FDFT1: variants seen among roughly 807,000 people sequenced by gnomAD.
FDFT1 encodes the protein squalene synthase.
A neutral mutation model predicts 46.8 loss-of-function variants in FDFT1; 68 were observed. That is an observed-to-expected ratio of 1.45 (90% confidence interval 1.19 to 1.78). FDFT1 has a LOEUF of 1.78. FDFT1 is among the 40% of genes most tolerant of loss of function. The pLI is 0.00. For missense variants in FDFT1, 928 were observed against 524.4 expected (o/e 1.77, Z -7.52); for synonymous variants, 351 against 185.1 (o/e 1.90, Z -7.28).
chr8:11,803,217 C>G, intron 1 of FDFT1: 1 of 1,406,710 alleles, frequency 7.1e-7, no homozygotes, highest in Non-Finnish European at 9.4e-7. Flanking sequence ...TGAGCATCGG[C>G]GCTTACCGGT....
At chr8:11,835,409 C>T (rs1385538623) in intron 7 of FDFT1, among the ~76,000 whole-genome samples, 1 of 152,140 alleles carries the variant, frequency 6.6e-6, no homozygotes, top group African/African-American at 2.4e-5. Flanking sequence ...GTTGTGCTGT[C>T]ATGCTTATAT....
At chr8:11,801,710 TGGAGA>T, upstream of FDFT1, 1 of 251,304 alleles carries the variant, frequency 4.0e-6, no homozygotes, top group Non-Finnish European at 7.8e-6. Flanking sequence ...TTTTTTTTTT[TGGAGA>T]CGTAGTCTTG....
chr8:11,797,544 AG>A (rs561480197), upstream of FDFT1, among the ~76,000 whole-genome samples: 447 of 117,312 alleles, frequency 3.8e-3, 3 homozygotes, highest in African/African-American at 0.013. Flanking sequence ...AGATAATCAC[AG>A]CTACTAGGGA....
intron 3 of FDFT1, among the ~76,000 whole-genome samples, chr8:11,816,674 GT>G (rs1382679116): frequency 1.3e-5 from 2 of 152,140 alleles, no homozygotes; most frequent in Non-Finnish European, 2.9e-5. Context: ...TTGTTTGTCT[GT>G]TATTGGTGTA....
At chr8:11,801,624 C>A, upstream of FDFT1, 1 of 213,294 alleles carries the variant, frequency 4.7e-6, no homozygotes, top group Non-Finnish European at 9.5e-6. Flanking sequence ...TCGGCTAGAC[C>A]TGACAGGTTT....
At chr8:11,834,557 C>T (rs1008601298) in intron 7 of FDFT1, among the ~76,000 whole-genome samples, 4 of 152,162 alleles carry the variant, frequency 2.6e-5, no homozygotes, top group Admixed American at 2.6e-4. Context: ...CAGGAATCAC[C>T]TGGGAGCCCA....
rs1345255016 is a variant in FDFT1 at position 11,809,857 on chromosome 8, G to A, written c.381+7G>A. 2 of 1,607,520 alleles carry A rather than the reference G, an allele frequency of 1.2e-6. No individual in the cohort carries two copies. The highest frequency in any genetic ancestry group is 1.1e-5 in the South Asian group (1 of 90,536). ...GCTGGAGGACTTCCCAACGGTGAGTGGGGTTACGCATCTTGTCTACGGACT... is the reference window on the plus strand; with the variant it reads ...GCTGGAGGACTTCCCAACGGTGAGTAGGGTTACGCATCTTGTCTACGGACT... On this transcript the variant is annotated splice_region_variant and intron_variant, in intron 3 of 7. Transcript: ENST00000220584.
rs900605923 is a variant in FDFT1, at chr8:11,822,870, A to G, written c.510+992A>G. ...TGGCCAAGAACCAGCACTGGTTATG[A>G]TAGTAACTCATTTTCTGTTGTGCAG... On this transcript the variant is annotated intron_variant, in intron 4 of 7. Transcript: ENST00000220584. 2.0e-5 allele frequency among the ~76,000 whole-genome samples: 3 copies of G among 152,362 alleles called. No homozygotes were observed. The South Asian group carries it at 6.2e-4, about 32-fold the overall frequency.
chr8:11,827,110 G>GAACAA, intron 5 of FDFT1, among the ~76,000 whole-genome samples: 1 of 152,176 alleles, frequency 6.6e-6, no homozygotes, highest in Non-Finnish European at 1.5e-5. Context: ...ACTGTTCCCT[G>GAACAA]AATTTATTCC....
Position 11,830,274 on chromosome 8 carries a change from G to T in FDFT1, c.733G>T (p.Asp245Tyr), listed in dbSNP as rs1395855153. Residue 245 changes from aspartate (D) to tyrosine (Y), a missense_variant, in exon 6 of 8, where the codon GAT becomes TAT. Coordinates refer to ENST00000220584, the MANE Select transcript of FDFT1 (RefSeq NM_004462.5). Reference protein sequence around the residue: ...VWSRYVKKLGDFAKPENIDLA... With the variant: ...VWSRYVKKLGYFAKPENIDLA... ...GAGCAGGTATGTTAAGAAGTTAGGG[G>T]ATTTTGCTAAGCCGGAGAATATTGA... 6.2e-7 allele frequency: 1 copy of T among 1,614,060 alleles called. No individual in the cohort carries two copies. The highest frequency in any genetic ancestry group is 2.2e-5 in the East Asian group (1 of 44,894).
At chr8:11,796,108 A>G (rs1227651730) in intron 1 of FDFT1, 1 of 151,936 alleles carries the variant, frequency 6.6e-6, no homozygotes, top group African/African-American at 2.4e-5. Flanking sequence ...GGCTTTAGAC[A>G]TTTCATAAAT....
At chr8:11,818,405 C>G (rs1358721135) in intron 3 of FDFT1, among the ~76,000 whole-genome samples, 1 of 152,156 alleles carries the variant, frequency 6.6e-6, no homozygotes, top group African/African-American at 2.4e-5. Context: ...AGTTCAAGTC[C>G]TGGATATCCT....
intron 3 of FDFT1, among the ~76,000 whole-genome samples, chr8:11,817,772 G>T (rs918528295): frequency 6.0e-5 from 9 of 151,110 alleles, no homozygotes; most frequent in Non-Finnish European, 1.2e-4. Flanking sequence ...CTTGCTAGCG[G>T]TCTATCAATT....
intron 3 of FDFT1, among the ~76,000 whole-genome samples, chr8:11,818,194 G>T (rs1399035979): frequency 6.6e-6 from 1 of 152,170 alleles, no homozygotes; most frequent in African/African-American, 2.4e-5. Flanking sequence ...TTAATCCTGA[G>T]TTCTAATTTG....
intron 7 of FDFT1, among the ~76,000 whole-genome samples, chr8:11,836,390 C>G (rs546402193): frequency 6.6e-6 from 1 of 152,360 alleles, no homozygotes; most frequent in East Asian, 1.9e-4. Flanking sequence ...CCAGAGACCT[C>G]TCGCTTCCTG....
At chr8:11,837,522 G>C (rs562877919) in intron 7 of FDFT1, among the ~76,000 whole-genome samples, 8 of 152,316 alleles carry the variant, frequency 5.3e-5, no homozygotes, top group Non-Finnish European at 1.2e-4. Context: ...ATGAGCCACT[G>C]TGCCTGGCCC....
At chr8:11,809,204 T>G in intron 2 of FDFT1, 2 of 1,204,918 alleles carry the variant, frequency 1.7e-6, no homozygotes, top group Non-Finnish European at 2.1e-6. Flanking sequence ...TTATCCAACT[T>G]TGCATTTCTA....
intron 1 of FDFT1, among the ~76,000 whole-genome samples, chr8:11,805,299 A>G (rs1806689859): frequency 6.6e-6 from 1 of 152,184 alleles, no homozygotes; most frequent in Non-Finnish European, 1.5e-5. Flanking sequence ...GCATTTGGCT[A>G]TAGAATTTCA....
chr8:11,806,373 C>T (rs1806834215), intron 1 of FDFT1, among the ~76,000 whole-genome samples: 1 of 152,100 alleles, frequency 6.6e-6, no homozygotes, highest in Admixed American at 6.6e-5. Context: ...AGTATGCTTA[C>T]TAGTTGTGTC....
Sources: gnomAD v4.1 joint callset for allele counts (sites outside exome capture counted in the v4.1 genomes callset) on GRCh38, gnomAD v4.1.1 for gene constraint, MANE v1.5 for transcripts, NCBI Gene and HGNC (gene_info 2026-07-23, HGNC 2026-07-21) for gene names.